Variants in BAZ2B observed in about 807,000 individuals in gnomAD.
BAZ2B encodes the protein bromodomain adjacent to zinc finger domain protein 2B.
Under a neutral mutation model 246.0 loss-of-function variants are expected in BAZ2B, and 91 were observed. That is an observed-to-expected ratio of 0.37 (90% CI 0.31 to 0.44). The LOEUF (loss-of-function observed/expected upper bound fraction) is 0.44. Ranked by LOEUF, BAZ2B falls within the 20% of genes least tolerant of loss-of-function variation. BAZ2B has a pLI of 1.00. For missense variants in BAZ2B, 2,332 were observed against 2,533.7 expected (o/e 0.92, Z 1.71); for synonymous variants, 855 against 860.0 (o/e 0.99, Z 0.10).
At chr2:159,518,730 G>A (rs2083713536) in intron 2 of BAZ2B, among the ~76,000 whole-genome samples, 1 of 152,084 alleles carries the variant, frequency 6.6e-6, no homozygotes, top group Admixed American at 6.6e-5. Flanking sequence ...GAAAATAAGA[G>A]GACATGAGAA....
At chr2:159,452,671 T>C (rs1260430341) in intron 4 of BAZ2B, among the ~76,000 whole-genome samples, 4 of 152,216 alleles carry the variant, frequency 2.6e-5, no homozygotes, top group Admixed American at 2.0e-4. Context: ...ATATAACAAA[T>C]TGAAGCACGT....
intron 21 of BAZ2B, among the ~76,000 whole-genome samples, chr2:159,387,999 T>C (rs2062837588): frequency 6.6e-6 from 1 of 152,074 alleles, no homozygotes; most frequent in African/African-American, 2.4e-5. Context: ...CTAAAAGTTT[T>C]CTTTAAGCAC....
intron 1 of BAZ2B, among the ~76,000 whole-genome samples, chr2:159,578,512 TCAA>T (rs1180149656): frequency 2.0e-4 from 31 of 152,032 alleles, no homozygotes; most frequent in Admixed American, 2.0e-3. Flanking sequence ...ATTAGACAGA[TCAA>T]CGAGACAAAA....
chr2:159,504,114 C>T (rs1237081311), intron 2 of BAZ2B, among the ~76,000 whole-genome samples: 1 of 143,834 alleles, frequency 7.0e-6, no homozygotes, highest in Non-Finnish European at 1.5e-5. Context: ...CATGTTGGCA[C>T]TTAGGCCTCT....
intron 2 of BAZ2B, among the ~76,000 whole-genome samples, chr2:159,512,016 A>G (rs1297521815): frequency 1.3e-5 from 2 of 152,200 alleles, no homozygotes; most frequent in African/African-American, 4.8e-5. Context: ...AAATGTATCA[A>G]AACAGCAGAC....
At chr2:159,711,881 T>C in the BAZ2B span, 1 of 152,162 alleles carries the variant, frequency 6.6e-6, no homozygotes, top group South Asian at 2.1e-4. Context: ...CTATCACGAT[T>C]TTAAAAGACA....
At chr2:159,594,739 C>T (rs1489080924) in intron 1 of BAZ2B, among the ~76,000 whole-genome samples, 1 of 152,044 alleles carries the variant, frequency 6.6e-6, no homozygotes, top group Non-Finnish European at 1.5e-5. Flanking sequence ...TCCAGGGATC[C>T]TCCCAGCTCA....
At chr2:159,641,716 T>C in the BAZ2B span, among the ~76,000 whole-genome samples, 1 of 152,188 alleles carries the variant, frequency 6.6e-6, no homozygotes, top group East Asian at 1.9e-4. Flanking sequence ...CTTTAATCCA[T>C]CTTGAGTTGA....
rs763559801 is a variant in BAZ2B, at chr2:159,386,339, T to C, written c.3471+14A>G. 2 of 1,596,510 alleles carry C rather than the reference T, an allele frequency of 1.3e-6. No homozygotes were observed. The highest frequency in any genetic ancestry group is 2.7e-5 in the African/African-American group (2 of 73,754). ...GTACAAATTTAAAACATTTTATATT[T>C]TGTTTTTTTTTACCTTGTATCCTGT... On this transcript the variant is annotated intron_variant, in intron 22 of 36. Coordinates refer to ENST00000392783, the MANE Select transcript of BAZ2B (RefSeq NM_013450.4).
intron 2 of BAZ2B, among the ~76,000 whole-genome samples, chr2:159,532,091 T>C (rs973258706): frequency 2.6e-5 from 4 of 152,182 alleles, no homozygotes; most frequent in Non-Finnish European, 5.9e-5. Flanking sequence ...GCCACAAAAT[T>C]ATTTTTTATA....
chr2:159,674,543 C>T, the BAZ2B span, among the ~76,000 whole-genome samples: 50 of 151,796 alleles, frequency 3.3e-4, no homozygotes, highest in Non-Finnish European at 6.5e-4. Context: ...GGTGAAACTG[C>T]ATCTCTACTA....
At chr2:159,605,194 AT>A (rs201453437) in intron 1 of BAZ2B, among the ~76,000 whole-genome samples, 1 of 150,008 alleles carries the variant, frequency 6.7e-6, no homozygotes, top group African/African-American at 2.5e-5. Flanking sequence ...CACCCAGCTG[AT>A]TTTTTTTTTT....
At chr2:159,660,301 C>T in the BAZ2B span, among the ~76,000 whole-genome samples, 2 of 152,152 alleles carry the variant, frequency 1.3e-5, no homozygotes, top group Non-Finnish European at 1.5e-5. Context: ...TACTTCATTC[C>T]TTCTTACAGA....
rs537115734 is a variant in BAZ2B, at chr2:159,400,937, G to A, written c.2833-273C>T. Among the ~76,000 whole-genome samples, 12 of 152,140 alleles carry A rather than the reference G, an allele frequency of 7.9e-5. No individual in the cohort carries two copies. The South Asian group carries it at 1.0e-3, about 13-fold the overall frequency. Reference sequence around the variant, plus strand: ...CGGGCACCTGTAGTCCCAACTACTCGGGAGGCTGAGGCAGGAGAATGGCGT... The same window carrying A: ...CGGGCACCTGTAGTCCCAACTACTCAGGAGGCTGAGGCAGGAGAATGGCGT... On this transcript the variant is annotated intron_variant, in intron 16 of 36. Coordinates refer to ENST00000392783, the MANE Select transcript of BAZ2B (RefSeq NM_013450.4).
At chr2:159,338,895 T>C (rs1468378238) in intron 31 of BAZ2B, among the ~76,000 whole-genome samples, 1 of 152,176 alleles carries the variant, frequency 6.6e-6, no homozygotes, top group Non-Finnish European at 1.5e-5. Flanking sequence ...TTCTCAACAA[T>C]CAGCTACTAG....
At chr2:159,671,335 T>TA in the BAZ2B span, among the ~76,000 whole-genome samples, 17 of 150,716 alleles carry the variant, frequency 1.1e-4, no homozygotes, top group African/African-American at 3.2e-4. Flanking sequence ...CCATTTCAAA[T>TA]AAAAAAAAAT....
At chr2:159,592,235 A>G (rs987541923) in intron 1 of BAZ2B, among the ~76,000 whole-genome samples, 4 of 152,268 alleles carry the variant, frequency 2.6e-5, no homozygotes, top group African/African-American at 9.6e-5. Flanking sequence ...TGTCTAGAAT[A>G]GAAGTTTCTT....
In BAZ2B at chr2:159,448,310, T is replaced by C. The variant is rs1446087820; in HGVS notation, c.434A>G (p.Gln145Arg). 1.9e-6 allele frequency: 3 copies of C among 1,613,284 alleles called. No individual in the cohort carries two copies. In the South Asian group the frequency reaches 3.3e-5, roughly 18 times the overall value. The stretch of plus-strand genomic sequence containing the variant: ...ATGGAATGAAGAAGAATCATGATTC[T>C]GGGCTGGGGGAGCAAATAGTGGTGG... ...GIPPLFAPPA[Q>R]NHDSSSFHSR... Residue 145 changes from glutamine (Q) to arginine (R), a missense_variant, in exon 5 of 37, where the codon CAG (glutamine) becomes CGG (arginine). By Grantham distance (43) the Gln-to-Arg change is conservative. Around this residue, in one of 9 missense-constraint regions of BAZ2B, gnomAD observed 242 missense variants for 237.4 expected, o/e 1.02. Coordinates refer to ENST00000392783, the MANE Select transcript of BAZ2B (RefSeq NM_013450.4).
chr2:159,396,440 A>G (rs2064033046), intron 19 of BAZ2B: 1 of 152,176 alleles, frequency 6.6e-6, no homozygotes, highest in African/African-American at 2.4e-5. Context: ...GGATATTCCT[A>G]TTTACTGATG....
Sources: gnomAD v4.1 joint callset for allele counts (sites outside exome capture counted in the v4.1 genomes callset) on GRCh38, gnomAD v4.1.1 for gene constraint, gnomAD v4.1.1 regional missense constraint, MANE v1.5 for transcripts, NCBI Gene and HGNC (gene_info 2026-07-23, HGNC 2026-07-21) for gene names.